The following TMEM209 variants were observed in gnomAD, a reference collection of about 807,000 sequenced individuals.
The protein encoded by TMEM209 is testicular tissue protein Li 202.
TMEM209 carries 65 observed loss-of-function variants against 76.2 expected under a neutral mutation model. That is an observed-to-expected ratio of 0.85 (90% confidence interval 0.70 to 1.05). TMEM209 has a LOEUF of 1.05. Ranked by LOEUF, TMEM209 falls within the 50% of genes least tolerant of loss-of-function variation. TMEM209 has a pLI of 0.00. For missense variants in TMEM209, 623 were observed against 685.5 expected, an observed-to-expected ratio of 0.91 and a Z score of 1.02; for synonymous variants, 239 against 237.6, an observed-to-expected ratio of 1.01 and a Z score of -0.06.
intron 14 of TMEM209, 24 bp from the exon 15 acceptor site, chr7:130,166,529 A>G: frequency 6.8e-7 from 1 of 1,476,302 alleles, no homozygotes; most frequent in Non-Finnish European, 9.0e-7. Flanking sequence ...AAAAATTTTT[A>G]TTAGAATTGG....
chr7:130,172,611 A>G (rs533342411), intron 13 of TMEM209, among the ~76,000 whole-genome samples: 52 of 152,222 alleles, frequency 3.4e-4, no homozygotes, highest in African/African-American at 9.1e-4. Context: ...TTTCAGTAGT[A>G]TTTATAATAA....
chr7:130,182,541 T>A (rs1241859716), intron 8 of TMEM209, among the ~76,000 whole-genome samples: 1 of 152,218 alleles, frequency 6.6e-6, no homozygotes, highest in African/African-American at 2.4e-5. Flanking sequence ...GAAACTGGCT[T>A]TTGAATATTA....
At chr7:130,188,329 A>G (rs762628834) in intron 6 of TMEM209, among the ~76,000 whole-genome samples, 2 of 152,082 alleles carry the variant, frequency 1.3e-5, no homozygotes, top group Admixed American at 6.6e-5. Context: ...AGGCGCAGTG[A>G]CTCACACTTG....
chr7:130,183,630 C>G (rs1310458809), intron 8 of TMEM209, among the ~76,000 whole-genome samples: 3 of 152,234 alleles, frequency 2.0e-5, no homozygotes, highest in Non-Finnish European at 4.4e-5. Flanking sequence ...ATATGCCTAA[C>G]AGAACCCAGA....
At chr7:130,201,092 A>G (rs1211399726) in intron 5 of TMEM209, among the ~76,000 whole-genome samples, 4 of 82,968 alleles carry the variant, frequency 4.8e-5, no homozygotes, top group African/African-American at 1.4e-4. Flanking sequence ...CTGTCTCAAA[A>G]AAAAAAAAAA....
chr7:130,183,257 G>GA (rs1312703337), intron 8 of TMEM209, among the ~76,000 whole-genome samples: 87 of 152,164 alleles, frequency 5.7e-4, no homozygotes, highest in African/African-American at 2.0e-3. Flanking sequence ...TGCCAGCTGT[G>GA]ACAAATGGTA....
chr7:130,188,367 C>T (rs949607173), intron 6 of TMEM209, among the ~76,000 whole-genome samples: 22 of 152,128 alleles, frequency 1.4e-4, no homozygotes, highest in South Asian at 8.3e-4. Flanking sequence ...GAGGCCAAGG[C>T]GGGCGGATCA....
chr7:130,178,908 A>G (rs959743288), intron 9 of TMEM209, among the ~76,000 whole-genome samples: 1 of 152,120 alleles, frequency 6.6e-6, no homozygotes, highest in African/African-American at 2.4e-5. Flanking sequence ...CCTCCTAAGC[A>G]GCTGGGACTA....
intron 5 of TMEM209, among the ~76,000 whole-genome samples, chr7:130,199,141 C>A (rs900152780): frequency 6.6e-6 from 1 of 152,116 alleles, no homozygotes; most frequent in South Asian, 2.1e-4. Context: ...TATAATTCTT[C>A]CTCCTCTAAA....
At chr7:130,187,695 T>C (rs1290874588) in intron 6 of TMEM209, among the ~76,000 whole-genome samples, 2 of 151,848 alleles carry the variant, frequency 1.3e-5, no homozygotes, top group African/African-American at 4.8e-5. Context: ...ATTTAAAAAT[T>C]ATAGATATAT....
chr7:130,185,193 T>C lies in TMEM209; in HGVS notation c.950A>G (p.Glu317Gly). ...AAGTCACTTTTATTTTCCACTTACCTCTTCTGCGGCTTGTTTAGAGCTGAG... is the reference window on the plus strand; with the variant it reads ...AAGTCACTTTTATTTTCCACTTACCCCTTCTGCGGCTTGTTTAGAGCTGAG... Reference protein sequence around the residue: ...ADLSSKQAAEEVWARVAMNRQ... With the variant: ...ADLSSKQAAEGVWARVAMNRQ... The change falls in exon 7 of 15, where the codon GAG becomes GGG. Residue 317 changes from glutamate to glycine, a missense_variant and splice_region_variant. Physicochemically the swap from Glu to Gly is moderately conservative, Grantham distance 98 (BLOSUM62 -2). Coordinates refer to ENST00000397622, the MANE Select transcript of TMEM209 (RefSeq NM_032842.4). 1 of 1,608,646 alleles carries C rather than the reference T, an allele frequency of 6.2e-7. No individual in the cohort carries two copies. The highest frequency in any genetic ancestry group is 8.5e-7 in the Non-Finnish European group (1 of 1,176,768).
chr7:130,188,172 TA>T (rs1460011454), intron 6 of TMEM209, among the ~76,000 whole-genome samples: 5 of 152,174 alleles, frequency 3.3e-5, no homozygotes, highest in Non-Finnish European at 5.9e-5. Flanking sequence ...AATAACAGTT[TA>T]GACATTACTA....
chr7:130,167,246 T>A (rs992331341), intron 14 of TMEM209, among the ~76,000 whole-genome samples: 12 of 152,160 alleles, frequency 7.9e-5, no homozygotes, highest in Non-Finnish European at 1.8e-4. Flanking sequence ...CATGAACTTT[T>A]AGCCCTCTAT....
rs748147897 is a variant in TMEM209, at chr7:130,185,341, TG to T, written c.801del (p.Ser268AlafsTer19). ...KLGSPDSTSP[S>X]SSPTFWNYSR... Reference sequence around the variant, plus strand: ...CTATAGTTCCAGAAAGTAGGACTGCTGGAAGGAGAGGTAGAATCTGGGCTCC... The same window carrying T: ...CTATAGTTCCAGAAAGTAGGACTGCTGAAGGAGAGGTAGAATCTGGGCTCC... On this transcript the variant is annotated frameshift_variant, in exon 7 of 15. Transcript: ENST00000397622. LOFTEE classifies it high-confidence loss of function. 3.1e-6 allele frequency: 5 copies of T among 1,613,710 alleles called. No homozygotes were observed. In the African/African-American group the frequency reaches 6.7e-5, roughly 22 times the overall value.
At chr7:130,186,149 G>A (rs956189091) in intron 6 of TMEM209, among the ~76,000 whole-genome samples, 2 of 151,926 alleles carry the variant, frequency 1.3e-5, no homozygotes, top group Non-Finnish European at 2.9e-5. Context: ...TTATATTTTC[G>A]GAGTTTAACT....
intron 10 of TMEM209, among the ~76,000 whole-genome samples, chr7:130,176,240 G>A (rs1010639303): frequency 3.3e-4 from 50 of 151,556 alleles, no homozygotes; most frequent in Non-Finnish European, 5.7e-4. Flanking sequence ...AGCCTCCTGA[G>A]TAGCTGGGAC....
At chr7:130,202,693 G>T in intron 3 of TMEM209, 30 bp from the exon 4 acceptor site, 1 of 1,601,760 alleles carries the variant, frequency 6.2e-7, no homozygotes, top group Non-Finnish European at 8.5e-7. Flanking sequence ...TTTTAATAAG[G>T]GGGGTGAGGA....
At chr7:130,171,050 C>T (rs1156398513) in intron 13 of TMEM209, among the ~76,000 whole-genome samples, 1 of 151,554 alleles carries the variant, frequency 6.6e-6, no homozygotes, top group Non-Finnish European at 1.5e-5. Context: ...AGGTAACATA[C>T]TGGGGGGTGG....
At chr7:130,177,449 C>T (rs958743187) in intron 10 of TMEM209, among the ~76,000 whole-genome samples, 1 of 151,942 alleles carries the variant, frequency 6.6e-6, no homozygotes, top group East Asian at 1.9e-4. Flanking sequence ...TCTATAATCA[C>T]GGCACTTGGG....
Sources: gnomAD v4.1 joint callset for allele counts (sites outside exome capture counted in the v4.1 genomes callset) on GRCh38, gnomAD v4.1.1 for gene constraint, MANE v1.5 for transcripts, NCBI Gene and HGNC (gene_info 2026-07-23, HGNC 2026-07-21) for gene names.